Variants in THEMIS observed in about 807,000 individuals in gnomAD.
THEMIS encodes the protein thymocyte selection associated.
THEMIS carries 37 observed loss-of-function variants against 52.6 expected under a neutral mutation model. That is an observed-to-expected ratio of 0.70 (90% CI 0.54 to 0.93). THEMIS has a LOEUF of 0.93. THEMIS is among the 40% of genes least tolerant of loss of function. THEMIS has a pLI of 0.00. For missense variants in THEMIS, 808 were observed against 763.1 expected, an observed-to-expected ratio of 1.06 and a Z score of -0.69; for synonymous variants, 292 against 272.7, an observed-to-expected ratio of 1.07 and a Z score of -0.70.
chr6:127,716,823 T>G (rs1443883919), intron 5 of THEMIS, among the ~76,000 whole-genome samples: 1 of 151,930 alleles, frequency 6.6e-6, no homozygotes, highest in East Asian at 1.9e-4. Flanking sequence ...TGAAGTAAGA[T>G]GGGGAAAGAG....
intron 2 of THEMIS, among the ~76,000 whole-genome samples, chr6:127,835,535 C>A (rs372847020): frequency 4.6e-4 from 70 of 152,220 alleles, no homozygotes; most frequent in African/African-American, 1.6e-3. Flanking sequence ...CTAGTAAGCA[C>A]CAAATGATTA....
intron 4 of THEMIS, among the ~76,000 whole-genome samples, chr6:127,732,134 C>A (rs926752824): frequency 6.6e-6 from 1 of 151,436 alleles, no homozygotes; most frequent in Non-Finnish European, 1.5e-5. Flanking sequence ...TTCATATTCT[C>A]GTTGCTCAGT....
chr6:127,851,147 T>C (rs1320127923), intron 2 of THEMIS, among the ~76,000 whole-genome samples: 1 of 151,356 alleles, frequency 6.6e-6, no homozygotes, highest in Non-Finnish European at 1.5e-5. Context: ...CTCAAACACC[T>C]ATGGGTCACC....
At chr6:127,744,404 A>G (rs559164079) in intron 4 of THEMIS, among the ~76,000 whole-genome samples, 1 of 152,236 alleles carries the variant, frequency 6.6e-6, no homozygotes. Context: ...ATTATTCACA[A>G]TAGTCAGATT....
At chr6:127,718,574 T>G (rs1247061530) in intron 5 of THEMIS, among the ~76,000 whole-genome samples, 2 of 151,946 alleles carry the variant, frequency 1.3e-5, no homozygotes, top group Non-Finnish European at 2.9e-5. Context: ...ATCTGGTACT[T>G]TTTAGAATCC....
At chr6:127,820,318 A>G (rs1002307908) in intron 3 of THEMIS, among the ~76,000 whole-genome samples, 6 of 152,220 alleles carry the variant, frequency 3.9e-5, no homozygotes, top group Admixed American at 3.9e-4. Context: ...TTTAAGAATG[A>G]AAAGAAATTA....
chr6:127,734,913 A>ATATATATATATGTG (rs1398876841), intron 4 of THEMIS, among the ~76,000 whole-genome samples: 1 of 106,448 alleles, frequency 9.4e-6, no homozygotes, highest in African/African-American at 3.9e-5. Context: ...ATATATATAT[A>ATATATATATATGTG]TGTGTGTGTG....
chr6:127,821,776 TG>T (rs1778349160), intron 3 of THEMIS, among the ~76,000 whole-genome samples: 1 of 152,044 alleles, frequency 6.6e-6, no homozygotes, highest in South Asian at 2.1e-4. Context: ...TGGTTGGTGA[TG>T]GGCAACATAT....
chr6:127,894,873 A>G (rs992571488), intron 1 of THEMIS, among the ~76,000 whole-genome samples: 8 of 151,236 alleles, frequency 5.3e-5, no homozygotes, highest in Admixed American at 2.0e-4. Context: ...GAATAAGTCT[A>G]TGGGCTCATT....
At chr6:127,738,095 C>T (rs992895511) in intron 4 of THEMIS, among the ~76,000 whole-genome samples, 1 of 152,084 alleles carries the variant, frequency 6.6e-6, no homozygotes, top group Non-Finnish European at 1.5e-5. Flanking sequence ...GTAAATCCTA[C>T]CCTGGCCTAA....
At chr6:127,843,125 G>A (rs2114701556) in intron 2 of THEMIS, among the ~76,000 whole-genome samples, 1 of 152,018 alleles carries the variant, frequency 6.6e-6, no homozygotes, top group East Asian at 1.9e-4. Context: ...AGTGAATTTA[G>A]TAAATTTTCT....
At chr6:127,807,217 T>G (rs1441977441) in intron 4 of THEMIS, 1 of 185,312 alleles carries the variant, frequency 5.4e-6, no homozygotes, top group Non-Finnish European at 1.2e-5. Context: ...AAAAATTACC[T>G]GGACGTGGTG....
rs1307352446 is a variant in THEMIS, at chr6:127,730,321, A to AAGAAAAG, written c.1759-10499_1759-10498insCTTTTCT. 3.6e-3 allele frequency among the ~76,000 whole-genome samples: 219 copies of AAGAAAAG among 61,558 alleles called. 8 individuals carry two copies. Among genetic ancestry groups the AAGAAAAG allele is most frequent in the Middle Eastern group, 0.01 (1 of 100 alleles). The allele number at this position is 61,558 out of a possible 152,430, so 40.4% of individuals were successfully genotyped here. ...GAAAAGAAAAGAAAAGAAAAGAGAA[A>AAGAAAAG]AAAAGAAAAGAAAAGAAAAGAAGAG... On this transcript the variant is annotated intron_variant, in intron 4 of 5. Coordinates refer to ENST00000368248, the MANE Select transcript of THEMIS (RefSeq NM_001010923.3).
chr6:127,843,550 C>T (rs1779120596), intron 2 of THEMIS, among the ~76,000 whole-genome samples: 1 of 151,938 alleles, frequency 6.6e-6, no homozygotes, highest in South Asian at 2.1e-4. Context: ...CCTAGATACA[C>T]ATTTTAAATA....
chr6:127,722,253 C>T (rs1176944676), intron 4 of THEMIS, among the ~76,000 whole-genome samples: 1 of 151,950 alleles, frequency 6.6e-6, no homozygotes, highest in African/African-American at 2.4e-5. Flanking sequence ...GCTGCTGTTC[C>T]CAGGTCCTAA....
At chr6:127,729,361 G>A (rs539609750) in intron 4 of THEMIS, among the ~76,000 whole-genome samples, 5 of 152,102 alleles carry the variant, frequency 3.3e-5, no homozygotes, top group Non-Finnish European at 7.4e-5. Flanking sequence ...CCTTCCTTTC[G>A]AGAGGTCTAT....
chr6:127,804,789 C>T (rs1777646414), intron 4 of THEMIS, among the ~76,000 whole-genome samples: 1 of 152,126 alleles, frequency 6.6e-6, no homozygotes, highest in Admixed American at 6.5e-5. Context: ...TCCTATTTCA[C>T]AACTGGTAAT....
chr6:127,732,772 AT>A (rs1774856281), intron 4 of THEMIS, among the ~76,000 whole-genome samples: 1 of 152,226 alleles, frequency 6.6e-6, no homozygotes, highest in Non-Finnish European at 1.5e-5. Flanking sequence ...ATTTCCAAGT[AT>A]TAGCTGTTAC....
chr6:127,867,923 AACACAC>A (rs35052969), intron 1 of THEMIS, among the ~76,000 whole-genome samples: 3 of 150,178 alleles, frequency 2.0e-5, no homozygotes, highest in South Asian at 2.1e-4. Context: ...ATTACTATTA[AACACAC>A]ACACACACAC....
Sources: allele counts gnomAD v4.1 joint callset (sites outside exome capture counted in the v4.1 genomes callset), GRCh38; gene constraint gnomAD v4.1.1; transcripts MANE v1.5; gene names NCBI Gene and HGNC (gene_info 2026-07-23, HGNC 2026-07-21).